The following PCDH9 variants were observed in gnomAD, a reference collection of about 807,000 sequenced individuals.
PCDH9 encodes the protein protocadherin 9.
Under a neutral mutation model 70.6 loss-of-function variants are expected in PCDH9, and 24 were observed. The observed-to-expected ratio is 0.34, with a 90% CI of 0.25 to 0.48. The LOEUF is 0.48. Among genes scored for constraint, PCDH9 ranks in the 20% least tolerant of loss-of-function variants. The probability of loss-of-function intolerance (pLI) is 0.99; values close to 1 mark genes in which losing one functional copy is unlikely to be tolerated. For missense variants in PCDH9, 1,281 were observed against 1,503.6 expected, an observed-to-expected ratio of 0.85 and a Z score of 2.45; for synonymous variants, 562 against 558.5, an observed-to-expected ratio of 1.01 and a Z score of -0.09.
At chr13:66,352,125 C>T (rs756399287) in intron 4 of PCDH9, among the ~76,000 whole-genome samples, 1 of 152,164 alleles carries the variant, frequency 6.6e-6, no homozygotes, top group Non-Finnish European at 1.5e-5. Flanking sequence ...CATGAGCCAC[C>T]GTGCCCGGCC....
intron 2 of PCDH9, among the ~76,000 whole-genome samples, chr13:67,199,319 TA>T (rs1395990893): frequency 1.3e-5 from 2 of 151,816 alleles, no homozygotes; most frequent in African/African-American, 4.8e-5. Context: ...TTTTTTTTTA[TA>T]AAAATATGCT....
At chr13:66,449,304 C>A (rs1388332447) in intron 4 of PCDH9, among the ~76,000 whole-genome samples, 2 of 152,152 alleles carry the variant, frequency 1.3e-5, no homozygotes, top group African/African-American at 4.8e-5. Flanking sequence ...ATGTGCCATG[C>A]AATGACAAGA....
chr13:66,810,390 C>T lies in PCDH9; in HGVS notation c.3138+93114G>A, dbSNP rs1321349098. On this transcript the variant is annotated intron_variant, in intron 3 of 4. Transcript: ENST00000377865. Reference sequence around the variant, plus strand: ...AAGATTGACTGGAATTTAAATTCAGCCATCTCATTTATTAGTTATGAGACA... The same window carrying T: ...AAGATTGACTGGAATTTAAATTCAGTCATCTCATTTATTAGTTATGAGACA... Among the ~76,000 whole-genome samples, 3 of 151,914 alleles carry T rather than the reference C, an allele frequency of 2.0e-5. No homozygotes were observed. In the East Asian group the frequency reaches 5.8e-4, roughly 29 times the overall value.
intron 3 of PCDH9, among the ~76,000 whole-genome samples, chr13:66,703,691 T>C (rs894864817): frequency 3.3e-5 from 5 of 151,970 alleles, no homozygotes; most frequent in East Asian, 1.9e-4. Context: ...GCCCAGGAAC[T>C]AGAAATCAGC....
intron 4 of PCDH9, among the ~76,000 whole-genome samples, chr13:66,428,393 A>G (rs1957711191): frequency 6.6e-6 from 1 of 151,712 alleles, no homozygotes; most frequent in Admixed American, 6.6e-5. Context: ...TATCCACTTG[A>G]TTTATAGCCC....
intron 4 of PCDH9, among the ~76,000 whole-genome samples, chr13:66,556,425 G>C (rs982730541): frequency 1.3e-5 from 2 of 152,116 alleles, no homozygotes; most frequent in African/African-American, 2.4e-5. Flanking sequence ...CTGAGAAAAA[G>C]AGACAGGCTG....
At chr13:66,656,640 T>TG (rs1030259081) in intron 3 of PCDH9, among the ~76,000 whole-genome samples, 10 of 91,410 alleles carry the variant, frequency 1.1e-4, no homozygotes, top group South Asian at 3.4e-4. Flanking sequence ...GATGGTGGGG[T>TG]GGGGGGGCGG....
intron 2 of PCDH9, among the ~76,000 whole-genome samples, chr13:67,081,770 A>G (rs960285815): frequency 6.6e-6 from 1 of 152,198 alleles, no homozygotes; most frequent in African/African-American, 2.4e-5. Context: ...TATTACCATT[A>G]TTATTAATAT....
intron 3 of PCDH9, among the ~76,000 whole-genome samples, chr13:66,771,272 G>T (rs4884703): frequency 0.97 from 147,936 of 152,252 alleles, 72,011 homozygotes; most frequent in East Asian, 1. Flanking sequence ...TATAGTAATT[G>T]GTTTAATTAG....
chr13:66,584,572 G>T, intron 4 of PCDH9, among the ~76,000 whole-genome samples: 1 of 152,154 alleles, frequency 6.6e-6, no homozygotes, highest in East Asian at 1.9e-4. Flanking sequence ...GATTCATTAT[G>T]CCGCTATAAC....
intron 2 of PCDH9, among the ~76,000 whole-genome samples, chr13:67,064,930 A>AGAT (rs1566400188): frequency 6.6e-6 from 1 of 150,454 alleles, no homozygotes; most frequent in Non-Finnish European, 1.5e-5. Flanking sequence ...ATAGATAGAT[A>AGAT]GATAGATAGC....
intron 2 of PCDH9, among the ~76,000 whole-genome samples, chr13:67,071,907 AAG>A (rs1203411318): frequency 2.0e-5 from 3 of 151,006 alleles, no homozygotes; most frequent in South Asian, 4.2e-4. Flanking sequence ...AAAAAAAAAA[AAG>A]AGAGAATCCT....
chr13:66,655,329 A>T (rs1276970636), intron 3 of PCDH9, among the ~76,000 whole-genome samples: 1 of 152,006 alleles, frequency 6.6e-6, no homozygotes. Context: ...GAAAGGAGAA[A>T]AGTGCTTTCC....
intron 2 of PCDH9, chr13:67,215,019 C>T (rs1184297914): frequency 7.1e-6 from 1 of 140,332 alleles, no homozygotes. Flanking sequence ...CATGATTACA[C>T]CCATTTTGCA....
chr13:66,800,371 T>C (rs2080307639), intron 3 of PCDH9, among the ~76,000 whole-genome samples: 1 of 152,152 alleles, frequency 6.6e-6, no homozygotes, highest in African/African-American at 2.4e-5. Flanking sequence ...AAATGAAATT[T>C]AACTTTGCCC....
chr13:66,576,670 G>T (rs2076819537), intron 4 of PCDH9, among the ~76,000 whole-genome samples: 1 of 152,018 alleles, frequency 6.6e-6, no homozygotes, highest in African/African-American at 2.4e-5. Flanking sequence ...GCTATTATGG[G>T]AGCATTCTCA....
intron 2 of PCDH9, chr13:67,224,694 T>C (rs1201075646): frequency 4.7e-6 from 2 of 424,310 alleles, no homozygotes; most frequent in South Asian, 2.0e-4. Context: ...ATTCATTCTT[T>C]TCTTTTTAAA....
intron 2 of PCDH9, chr13:67,220,847 T>C (rs1593643889): frequency 6.6e-6 from 1 of 152,210 alleles, no homozygotes; most frequent in South Asian, 2.1e-4. Context: ...AAGGCCAAAA[T>C]GCGTCTTGAA....
chr13:66,352,938 C>A (rs1391467245), intron 4 of PCDH9, among the ~76,000 whole-genome samples: 1 of 152,106 alleles, frequency 6.6e-6, no homozygotes, highest in Non-Finnish European at 1.5e-5. Flanking sequence ...TCTGATCTAG[C>A]CATTAAATGA....
Sources: allele counts gnomAD v4.1 joint callset (sites outside exome capture counted in the v4.1 genomes callset), GRCh38; gene constraint gnomAD v4.1.1; transcripts MANE v1.5; gene names NCBI Gene and HGNC (gene_info 2026-07-23, HGNC 2026-07-21).